RRP1B: variants seen among roughly 807,000 people sequenced by gnomAD.
The protein encoded by RRP1B is ribosomal RNA processing 1B.
A neutral mutation model predicts 80.2 loss-of-function variants in RRP1B; 56 were observed. That is an observed-to-expected ratio of 0.70 (90% CI 0.56 to 0.87). RRP1B has a LOEUF of 0.87. RRP1B is among the 40% of genes least tolerant of loss of function. RRP1B has a pLI of 0.00. For synonymous variants in RRP1B, 351 were observed against 357.6 expected, an observed-to-expected ratio of 0.98 and a Z score of 0.21; for missense variants, 807 against 939.8, an observed-to-expected ratio of 0.86 and a Z score of 1.85.
chr21:43,690,931 CTG>C (rs770692059), intron 14 of RRP1B, among the ~76,000 whole-genome samples: 4 of 152,332 alleles, frequency 2.6e-5, no homozygotes, highest in South Asian at 2.1e-4. Context: ...AAGCTGGAAA[CTG>C]TGTGTCCATT....
chr21:43,663,060 G>T (rs1041305065), intron 1 of RRP1B, among the ~76,000 whole-genome samples: 4 of 152,152 alleles, frequency 2.6e-5, no homozygotes, highest in Admixed American at 6.6e-5. Context: ...GATGGGGTTA[G>T]GGTTCTCTCT....
chr21:43,661,545 C>A (rs2282527), intron 1 of RRP1B, among the ~76,000 whole-genome samples: 74,512 of 151,952 alleles, frequency 0.49, 21,132 homozygotes, highest in African/African-American at 0.79. Context: ...CTCCTGATGA[C>A]ATAAATTCTT....
At position 43,691,384 on chromosome 21, in the gene RRP1B, G is replaced by C. The variant is rs1601762800; in HGVS notation, c.2020-55G>C. 6.4e-7 allele frequency: 1 copy of C among 1,556,250 alleles called. No homozygotes were observed. Among genetic ancestry groups the C allele is most frequent in the East Asian group, 2.2e-5 (1 of 44,564 alleles). ...AGGTTCTCCAGAAAAATCTGACTAA[G>C]CGCCTCCACTGCACTTGCGTCACTC... On this transcript the variant is annotated intron_variant, in intron 14 of 15. Transcript: ENST00000340648. This position sits in a 1 kb window ranked among gnomAD's most constrained non-coding sequence, Gnocchi z 4.2.
At chr21:43,675,201 G>A (rs1568956975) in intron 6 of RRP1B, 38 bp downstream of exon 6, 18 of 1,605,868 alleles carry the variant, frequency 1.1e-5, no homozygotes, top group Non-Finnish European at 1.3e-5. Flanking sequence ...GGGGTGAGGG[G>A]GCCGCCAGTG....
intron 13 of RRP1B, among the ~76,000 whole-genome samples, chr21:43,689,220 G>C (rs2083076603): frequency 2.0e-5 from 3 of 152,262 alleles, no homozygotes; most frequent in African/African-American, 7.2e-5. Flanking sequence ...GGGAGTGGTA[G>C]AGACAGAGAC....
intron 4 of RRP1B, 47 bp from the exon 5 acceptor site, chr21:43,674,585 CCTTT>C: frequency 1.7e-6 from 1 of 572,686 alleles, no homozygotes; most frequent in Non-Finnish European, 2.5e-6. Context: ...TCTTACCTTT[CCTTT>C]TTTTTTTTTT....
chr21:43,671,068 G>A lies in RRP1B; in HGVS notation c.213+1102G>A, dbSNP rs115353585. ...ATTTTCCCACGAAGGAAAACAGACC[G>A]GGTGTGGTGTGAGTCAGACTGATGA... On this transcript the variant is annotated intron_variant, in intron 2 of 15. Coordinates refer to ENST00000340648, the MANE Select transcript of RRP1B (RefSeq NM_015056.3). Among the ~76,000 whole-genome samples the A allele has an allele frequency of 5.7e-3, 867 of 152,298 alleles. 10 individuals carry two copies. The highest frequency in any genetic ancestry group is 0.02 in the African/African-American group (820 of 41,562).
At position 43,693,167 on chromosome 21, in the gene RRP1B, G is replaced by C; in HGVS notation, c.2084-23G>C. 6.2e-7 allele frequency: 1 copy of C among 1,612,592 alleles called. No homozygotes were observed. Among genetic ancestry groups the C allele is most frequent in the Non-Finnish European group, 8.5e-7 (1 of 1,179,394 alleles). Reference sequence around the variant, plus strand: ...CAGCTGTCGGACCCACTTAATATGGGGCCTTGCTCTCATTTGGGACAGAAT... The same window carrying C: ...CAGCTGTCGGACCCACTTAATATGGCGCCTTGCTCTCATTTGGGACAGAAT... On this transcript the variant is annotated intron_variant, in intron 15 of 15. Coordinates refer to ENST00000340648, the MANE Select transcript of RRP1B (RefSeq NM_015056.3). The surrounding 1 kb of genome is among the most constrained non-coding windows in gnomAD (Gnocchi z 4.1).
chr21:43,673,796 C>T, intron 3 of RRP1B, 74 bp from the exon 4 acceptor site: 1 of 897,946 alleles, frequency 1.1e-6, no homozygotes, highest in Admixed American at 2.1e-5. Flanking sequence ...GTTTGTTCCT[C>T]TTCATTATTT....
Position 43,695,544 on chromosome 21 carries a change from T to G in RRP1B, c.*2161T>G, listed in dbSNP as rs373122013. On this transcript the variant is annotated 3_prime_UTR_variant, in exon 16 of 16. Transcript: ENST00000340648. ...AGTCAACTAGGTTTACAGTCCCTTA[T>G]TTTTAATGCCTAAGTTTTGACAGCA... 2 of 152,226 alleles carry G rather than the reference T, an allele frequency of 1.3e-5. No individual in the cohort carries two copies. The highest frequency in any genetic ancestry group is 4.1e-4 in the South Asian group (2 of 4,834). 9.4% of individuals were successfully genotyped at this position (152,226 alleles called of 1,614,324 possible). A position where few individuals can be genotyped will look rare whatever the true frequency, so the allele number is the denominator to read the frequency against.
At position 43,659,852 on chromosome 21, in the gene RRP1B, G is replaced by A; in HGVS notation, c.130+58G>A. The A allele has an allele frequency of 7.6e-6, 11 of 1,439,068 alleles. No homozygotes were observed. Among genetic ancestry groups the A allele is most frequent in the Non-Finnish European group, 9.2e-6 (10 of 1,089,928 alleles). 89.1% of individuals were successfully genotyped at this position (1,439,068 alleles called of 1,614,324 possible). A position where few individuals can be genotyped will look rare whatever the true frequency, so the allele number is the denominator to read the frequency against. ...TGGCGGGCCGGGGGCCGGGGCTGGG[G>A]CTAGGGCCAGGGCCCCGGCACGGAA... On this transcript the variant is annotated intron_variant, in intron 1 of 15. Transcript: ENST00000340648. The surrounding 1 kb of genome is among the most constrained non-coding windows in gnomAD (Gnocchi z 4.2).
At chr21:43,690,760 C>T (rs1398939686) in intron 14 of RRP1B, among the ~76,000 whole-genome samples, 1 of 152,194 alleles carries the variant, frequency 6.6e-6, no homozygotes, top group African/African-American at 2.4e-5. Context: ...TGCAAGTCAG[C>T]AGTAGGAGGT....
intron 1 of RRP1B, among the ~76,000 whole-genome samples, chr21:43,660,587 A>G (rs923051249): frequency 6.6e-6 from 1 of 152,194 alleles, no homozygotes; most frequent in Non-Finnish European, 1.5e-5. Context: ...AGAAAAAAGG[A>G]AAAAGAAAAC....
chr21:43,659,571 C>T lies in RRP1B; in HGVS notation c.-94C>T, dbSNP rs925286748. 2.2e-5 allele frequency: 27 copies of T among 1,237,232 alleles called. No individual in the cohort carries two copies. In the African/African-American group the frequency reaches 3.0e-4, roughly 14 times the overall value. The allele number at this position is 1,237,232 out of a possible 1,614,324, so 76.6% of individuals were successfully genotyped here. On this transcript the variant is annotated 5_prime_UTR_variant, in exon 1 of 16. Coordinates refer to ENST00000340648, the MANE Select transcript of RRP1B (RefSeq NM_015056.3). This position sits in a 1 kb window ranked among gnomAD's most constrained non-coding sequence, Gnocchi z 4.2. ...GCCGCCGCCGCCTTCTGTGCAGTCG[C>T]GGCCCGGGCGGACGGTGGCTGGCTG...
intron 1 of RRP1B, among the ~76,000 whole-genome samples, chr21:43,666,861 C>G (rs960758700): frequency 6.0e-5 from 9 of 151,190 alleles, no homozygotes; most frequent in Non-Finnish European, 7.4e-5. Context: ...TAAAATCTAA[C>G]AGTTCTTACC....
intron 1 of RRP1B, among the ~76,000 whole-genome samples, chr21:43,660,469 G>A (rs577986961): frequency 2.8e-4 from 42 of 152,320 alleles, no homozygotes; most frequent in African/African-American, 9.6e-4. Flanking sequence ...GGCTGAGGCA[G>A]GAGAATCGCT....
At chr21:43,682,991 G>C (rs1196762346) in intron 8 of RRP1B, among the ~76,000 whole-genome samples, 1 of 152,130 alleles carries the variant, frequency 6.6e-6, no homozygotes, top group Non-Finnish European at 1.5e-5. Context: ...TCATGCCTCA[G>C]CCTCCCAAGT....
intron 2 of RRP1B, among the ~76,000 whole-genome samples, chr21:43,672,047 C>T (rs2083001500): frequency 6.6e-6 from 1 of 152,188 alleles, no homozygotes; most frequent in Non-Finnish European, 1.5e-5. Flanking sequence ...TTCATCTGAA[C>T]TGATAATTAG....
chr21:43,676,968 GACAA>G lies in RRP1B; in HGVS notation c.796+58_796+61del, dbSNP rs1320800818. 9 of 1,551,204 alleles carry G rather than the reference GACAA, an allele frequency of 5.8e-6. 1 individual carries two copies. The highest frequency in any genetic ancestry group is 4.5e-5 in the East Asian group (2 of 44,460). On this transcript the variant is annotated intron_variant, in intron 8 of 15. Coordinates refer to ENST00000340648, the MANE Select transcript of RRP1B (RefSeq NM_015056.3). ...TTTCTTTCTGCTAAAATCCTCCTCA[GACAA>G]ACAGTTTTTAATACATTTGTTGGCA...
Sources: gnomAD v4.1 joint callset for allele counts (sites outside exome capture counted in the v4.1 genomes callset) on GRCh38, gnomAD v4.1.1 for gene constraint, Gnocchi (gnomAD v3.1) non-coding constraint, MANE v1.5 for transcripts, NCBI Gene and HGNC (gene_info 2026-07-23, HGNC 2026-07-21) for gene names.